Variants in XBP1 observed in about 807,000 individuals in gnomAD.
The protein encoded by XBP1 is X-box-binding protein 1.
XBP1 carries 18 observed loss-of-function variants against 34.6 expected under a neutral mutation model. The observed-to-expected ratio is 0.52, with a 90% CI of 0.36 to 0.77. XBP1 has a LOEUF of 0.77. Ranked by LOEUF, XBP1 falls within the 30% of genes least tolerant of loss-of-function variation. The pLI is 0.00. For missense variants in XBP1, 422 were observed against 464.6 expected (o/e 0.91, Z 0.84); for synonymous variants, 191 against 193.4 (o/e 0.99, Z 0.11).
chr22:28,797,047 A>G (rs1601437290), intron 3 of XBP1, 30 bp downstream of exon 3: 1 of 1,593,992 alleles, frequency 6.3e-7, no homozygotes, highest in Non-Finnish European at 8.5e-7. Context: ...CAGTACTCAC[A>G]TGAGGCACCA....
chr22:28,799,832 C>T (rs2031832622), intron 1 of XBP1: 1 of 612,868 alleles, frequency 1.6e-6, no homozygotes, highest in South Asian at 2.0e-5. Flanking sequence ...AAGTAGGTTC[C>T]ATTTTAAGAA....
rs534490907 is a variant in XBP1, at chr22:28,797,508, C to T, written c.325-303G>A. Reference sequence around the variant, plus strand: ...TTTTTTAAACTATCTTGGCCAGGCTCGGTGGCTCACACTTGTAATCCTAAC... The same window carrying T: ...TTTTTTAAACTATCTTGGCCAGGCTTGGTGGCTCACACTTGTAATCCTAAC... On this transcript the variant is annotated intron_variant, in intron 2 of 5. Coordinates refer to ENST00000344347, the Ensembl canonical transcript of XBP1. 1.2e-4 allele frequency among the ~76,000 whole-genome samples: 18 copies of T among 152,104 alleles called. No individual in the cohort carries two copies. The South Asian group carries it at 1.7e-3, about 14-fold the overall frequency.
intron 2 of XBP1, among the ~76,000 whole-genome samples, chr22:28,798,562 G>GCCT (rs1250545454): frequency 1.3e-5 from 2 of 151,404 alleles, no homozygotes; most frequent in Admixed American, 6.6e-5. Flanking sequence ...ACCCACCTTG[G>GCCT]CCTCCCAAAG....
exon 6 of XBP1, chr22:28,795,643 G>A: frequency 6.2e-7 from 1 of 1,609,548 alleles, no homozygotes; most frequent in Non-Finnish European, 8.5e-7. Context: ...AGACCTCTGG[G>A]AGCTCCTCCA....
At chr22:28,795,513 C>T in exon 6 of XBP1, 1 of 1,614,208 alleles carries the variant, frequency 6.2e-7, no homozygotes, top group Non-Finnish European at 8.5e-7. Context: ...ATCTCTAAGA[C>T]TAGGGGCTTG....
intron 1 of XBP1, 112 bp from the exon 2 acceptor site, chr22:28,799,265 T>C (rs2031818490): frequency 4.2e-6 from 3 of 720,900 alleles, no homozygotes; most frequent in Non-Finnish European, 6.7e-6. Flanking sequence ...TAAGACAGAC[T>C]AATGATAAAA....
chr22:28,799,971 G>C, intron 1 of XBP1: 1 of 779,452 alleles, frequency 1.3e-6, no homozygotes, highest in Non-Finnish European at 2.4e-6. Context: ...TCATGTCCGA[G>C]TTAAGAGGCT....
upstream of XBP1, chr22:28,800,565 C>T (rs776409515): frequency 2.1e-6 from 3 of 1,459,928 alleles, no homozygotes; most frequent in South Asian, 3.9e-5. Flanking sequence ...CCGCAGCCGC[C>T]CAGCGCCCAG....
intron 1 of XBP1, among the ~76,000 whole-genome samples, chr22:28,799,419 C>T (rs2031822323): frequency 6.6e-6 from 1 of 152,200 alleles, no homozygotes; most frequent in Non-Finnish European, 1.5e-5. Flanking sequence ...TGGGGCTGGA[C>T]ACACACACTA....
chr22:28,796,813 T>C (rs992832397), intron 3 of XBP1: 8 of 262,596 alleles, frequency 3.0e-5, no homozygotes, highest in Non-Finnish European at 5.7e-5. Context: ...TCTTGTTGGC[T>C]ACTGCATTTG....
At chr22:28,795,535 G>A (rs1601436433) in exon 6 of XBP1, 2 of 1,614,180 alleles carry the variant, frequency 1.2e-6, no homozygotes, top group Non-Finnish European at 8.5e-7. Context: ...TATATATGTG[G>A]TCAAAACGAA....
At chr22:28,796,895 T>TAA (rs1226895119) in intron 3 of XBP1, 182 bp downstream of exon 3, 1 of 638,720 alleles carries the variant, frequency 1.6e-6, no homozygotes, top group Admixed American at 3.4e-5. Flanking sequence ...ACTACACACT[T>TAA]AAAAAATGAG....
chr22:28,800,545 GCAC>G, upstream of XBP1: 1 of 1,473,578 alleles, frequency 6.8e-7, no homozygotes, highest in South Asian at 1.3e-5. Flanking sequence ...TACGCACCGC[GCAC>G]CGCGCGCCGC....
At chr22:28,797,943 C>G (rs936182085) in intron 2 of XBP1, among the ~76,000 whole-genome samples, 3 of 151,980 alleles carry the variant, frequency 2.0e-5, no homozygotes, top group Admixed American at 2.0e-4. Flanking sequence ...GAAGAACCAA[C>G]TAATGATTAA....
intron 2 of XBP1, 74 bp from the exon 3 acceptor site, chr22:28,797,279 T>C (rs549853340): frequency 1.4e-5 from 21 of 1,521,122 alleles, no homozygotes; most frequent in African/African-American, 2.8e-5. Context: ...TTCAGTATAA[T>C]TGGTTTCCTT....
chr22:28,796,069 C>A, exon 5 of XBP1: 1 of 1,614,150 alleles, frequency 6.2e-7, no homozygotes. Flanking sequence ...AGAGTCAATA[C>A]CGCCAGAATC....
At chr22:28,799,013 A>G in intron 2 of XBP1, 44 bp downstream of exon 2, 1 of 1,472,072 alleles carries the variant, frequency 6.8e-7, no homozygotes, top group Non-Finnish European at 9.5e-7. Context: ...TCACCAAGGA[A>G]GGGTATACAA....
At chr22:28,800,196 T>G in intron 1 of XBP1, 102 bp downstream of exon 1, 4 of 1,361,676 alleles carry the variant, frequency 2.9e-6, no homozygotes, top group Non-Finnish European at 4.0e-6. Flanking sequence ...GACGGAGCCC[T>G]GCGGGGCGGC....
intron 1 of XBP1, among the ~76,000 whole-genome samples, chr22:28,799,647 C>CA (rs1295309809): frequency 6.6e-6 from 1 of 152,166 alleles, no homozygotes; most frequent in Non-Finnish European, 1.5e-5. Context: ...AGGCAGTGAC[C>CA]TGCTGATGGG....
Sources: gnomAD v4.1 joint callset for allele counts (sites outside exome capture counted in the v4.1 genomes callset) on GRCh38, gnomAD v4.1.1 for gene constraint, MANE v1.5 for transcripts, NCBI Gene and HGNC (gene_info 2026-07-23, HGNC 2026-07-21) for gene names.